The following PHF14 variants were observed in gnomAD, a reference collection of about 807,000 sequenced individuals.
PHF14 encodes PHD finger protein 14.
Under a neutral mutation model 117.9 loss-of-function variants are expected in PHF14, and 55 were observed. The ratio of observed to expected loss-of-function variants is 0.47; its 90% CI spans 0.38 to 0.58. PHF14 has a LOEUF of 0.58. Ranked by LOEUF, PHF14 falls within the 20% of genes least tolerant of loss-of-function variation. The pLI is 0.00. For synonymous variants in PHF14, 409 were observed against 368.6 expected, an observed-to-expected ratio of 1.11 and a Z score of -1.26; for missense variants, 978 against 1,122.2, an observed-to-expected ratio of 0.87 and a Z score of 1.84.
chr7:10,976,215 A>C (rs1465134555), intron 2 of PHF14, among the ~76,000 whole-genome samples: 1 of 152,192 alleles, frequency 6.6e-6, no homozygotes, highest in Non-Finnish European at 1.5e-5. Flanking sequence ...CATCCGCAGC[A>C]ATCAAAAATT....
At chr7:11,148,565 A>G (rs904753375) in intron 17 of PHF14, among the ~76,000 whole-genome samples, 7 of 151,344 alleles carry the variant, frequency 4.6e-5, no homozygotes, top group African/African-American at 1.7e-4. Context: ...TGTTTCTTTC[A>G]CTGTATCAAA....
intron 16 of PHF14, among the ~76,000 whole-genome samples, chr7:11,088,534 T>G (rs1365999661): frequency 6.6e-6 from 1 of 152,226 alleles, no homozygotes; most frequent in African/African-American, 2.4e-5. Context: ...ATGTCTTTTA[T>G]AAATGTATTT....
intron 13 of PHF14, among the ~76,000 whole-genome samples, chr7:11,047,867 AAGAG>A (rs921374685): frequency 6.7e-5 from 8 of 119,266 alleles, no homozygotes; most frequent in African/African-American, 2.2e-4. Context: ...GGGCGGGAAA[AAGAG>A]AGGAAGGAAG....
chr7:11,026,240 G>T (rs1294167603), intron 6 of PHF14, among the ~76,000 whole-genome samples: 2 of 152,102 alleles, frequency 1.3e-5, no homozygotes, highest in Non-Finnish European at 2.9e-5. Flanking sequence ...ATTATGACTT[G>T]CTGAAGGCTC....
intron 7 of PHF14, 32 bp downstream of exon 7, chr7:11,028,850 A>G (rs759135108): frequency 1.1e-5 from 18 of 1,594,690 alleles, no homozygotes; most frequent in South Asian, 1.0e-4. Flanking sequence ...GTTGGTGAAC[A>G]TGTTCACAAG....
intron 16 of PHF14, chr7:11,107,046 C>A: frequency 2.0e-6 from 2 of 983,298 alleles, no homozygotes; most frequent in Non-Finnish European, 2.4e-6. Context: ...AAATTATTTG[C>A]ATAGGAGGTG....
Position 11,132,491 on chromosome 7 carries a change from C to A in PHF14, c.2772+21024C>A, listed in dbSNP as rs184379854. On this transcript the variant is annotated intron_variant, in intron 17 of 17. Coordinates refer to ENST00000634607, the MANE Select transcript of PHF14 (RefSeq NM_001007157.2). ...TACCACAATTTCTTTACCCATTTGT[C>A]TGTTAATGGGCGGTTAGGTTGTTTT... 1.4e-3 allele frequency among the ~76,000 whole-genome samples: 219 copies of A among 151,678 alleles called. 4 individuals are homozygous for A. The highest frequency in any genetic ancestry group is 0.011 in the Admixed American group (174 of 15,198).
At chr7:11,124,576 A>G (rs566265128) in intron 17 of PHF14, among the ~76,000 whole-genome samples, 9 of 151,970 alleles carry the variant, frequency 5.9e-5, no homozygotes, top group South Asian at 4.2e-4. Flanking sequence ...CCTCACCACA[A>G]CCTTTAAGGT....
chr7:10,977,432 A>G (rs1562557708), intron 2 of PHF14, among the ~76,000 whole-genome samples: 1 of 152,122 alleles, frequency 6.6e-6, no homozygotes, highest in Admixed American at 6.5e-5. Flanking sequence ...AATTCTGACT[A>G]TAAAACTTTT....
chr7:11,027,350 T>C (rs1344360475), intron 6 of PHF14, among the ~76,000 whole-genome samples: 1 of 152,164 alleles, frequency 6.6e-6, no homozygotes, highest in African/African-American at 2.4e-5. Flanking sequence ...ACTATTGAAG[T>C]TTTTAAGTTT....
intron 7 of PHF14, among the ~76,000 whole-genome samples, chr7:11,035,239 A>G (rs940925512): frequency 4.3e-4 from 65 of 152,286 alleles, no homozygotes; most frequent in African/African-American, 1.5e-3. Context: ...ATGTGGGAGA[A>G]TGCATGTAAA....
intron 12 of PHF14, among the ~76,000 whole-genome samples, chr7:11,041,426 G>T (rs978707904): frequency 2.0e-5 from 3 of 150,022 alleles, no homozygotes; most frequent in Non-Finnish European, 4.5e-5. Flanking sequence ...TGGTGTTTTT[G>T]TGTGTGTGTG....
At position 10,989,549 on chromosome 7, in the gene PHF14, A is replaced by G. The variant is rs113419194; in HGVS notation, c.901-1154A>G. Among the ~76,000 whole-genome samples, 21 of 152,348 alleles carry G rather than the reference A, an allele frequency of 1.4e-4. 1 individual carries two copies. Among genetic ancestry groups the G allele is most frequent in the African/African-American group, 4.8e-4 (20 of 41,574 alleles). ...CTTAACTTACTTAAAGTTTAAATCT[A>G]TAATGCAGAAGGTTTAAATGCAAAC... On this transcript the variant is annotated intron_variant, in intron 3 of 17. Transcript: ENST00000634607.
At chr7:11,036,893 G>C (rs1784338113) in intron 9 of PHF14, 92 bp from the exon 10 acceptor site, 3 of 995,788 alleles carry the variant, frequency 3.0e-6, no homozygotes, top group South Asian at 1.6e-5. Flanking sequence ...AAACTATGTA[G>C]GTTTATCAAT....
At chr7:11,054,765 A>T (rs1172542055) in intron 14 of PHF14, among the ~76,000 whole-genome samples, 1 of 152,144 alleles carries the variant, frequency 6.6e-6, no homozygotes, top group East Asian at 1.9e-4. Flanking sequence ...ATTGCTCCCA[A>T]TATCCTCCTA....
At chr7:11,090,230 C>T (rs1180807576) in intron 16 of PHF14, among the ~76,000 whole-genome samples, 1 of 152,178 alleles carries the variant, frequency 6.6e-6, no homozygotes, top group Non-Finnish European at 1.5e-5. Flanking sequence ...AGTATATTCT[C>T]TATGAATCGT....
intron 5 of PHF14, among the ~76,000 whole-genome samples, chr7:11,018,804 C>G (rs981950609): frequency 1.3e-5 from 2 of 152,136 alleles, no homozygotes; most frequent in Non-Finnish European, 2.9e-5. Context: ...GACAGTGGGC[C>G]TGCTTGTCGT....
At chr7:11,094,317 G>T (rs1424316510) in intron 16 of PHF14, among the ~76,000 whole-genome samples, 1 of 152,142 alleles carries the variant, frequency 6.6e-6, no homozygotes, top group Non-Finnish European at 1.5e-5. Context: ...GTTCAGCAAG[G>T]CTGGTTTCTT....
At chr7:11,097,124 C>G (rs1472499735) in intron 16 of PHF14, among the ~76,000 whole-genome samples, 1 of 151,898 alleles carries the variant, frequency 6.6e-6, no homozygotes, top group African/African-American at 2.4e-5. Context: ...GGATTACAGG[C>G]ATGCACCACC....
Sources: gnomAD v4.1 joint callset for allele counts (sites outside exome capture counted in the v4.1 genomes callset) on GRCh38, gnomAD v4.1.1 for gene constraint, MANE v1.5 for transcripts, NCBI Gene and HGNC (gene_info 2026-07-23, HGNC 2026-07-21) for gene names.